The following ATOSA variants were observed in gnomAD, a reference collection of about 807,000 sequenced individuals.
The protein encoded by ATOSA is atos homolog A, also known as atos homolog protein A.
the ATOSA span, among the ~76,000 whole-genome samples, chr15:52,665,400 C>T: frequency 2.0e-5 from 3 of 152,152 alleles, no homozygotes; most frequent in African/African-American, 7.2e-5. Flanking sequence ...AGTAATTAGT[C>T]ATTTTCTTTC....
the ATOSA span, among the ~76,000 whole-genome samples, chr15:52,591,021 C>T: frequency 6.6e-6 from 1 of 152,170 alleles, no homozygotes; most frequent in African/African-American, 2.4e-5. Context: ...TCTTTTATCT[C>T]CCAATCCTTC....
At chr15:52,628,807 ACT>A in the ATOSA span, among the ~76,000 whole-genome samples, 4 of 151,608 alleles carry the variant, frequency 2.6e-5, no homozygotes, top group South Asian at 2.1e-4. Flanking sequence ...CAAAACAAAA[ACT>A]CTATTTTAAT....
chr15:52,597,231 TTCTATTCTATTCTATTC>T, the ATOSA span, among the ~76,000 whole-genome samples: 5 of 48,912 alleles, frequency 1.0e-4, no homozygotes, highest in Non-Finnish European at 4.0e-4. Context: ...TTCTATTCTA[TTCTATTCTATTCTATTC>T]TCTATTCTAT....
At chr15:52,618,761 T>G in the ATOSA span, among the ~76,000 whole-genome samples, 1 of 152,068 alleles carries the variant, frequency 6.6e-6, no homozygotes, top group African/African-American at 2.4e-5. Flanking sequence ...CATAGCTCAC[T>G]TTAACCTCAA....
chr15:52,644,568 T>G, the ATOSA span, among the ~76,000 whole-genome samples: 2 of 152,238 alleles, frequency 1.3e-5, no homozygotes, highest in Non-Finnish European at 2.9e-5. Flanking sequence ...ATGTTTAATG[T>G]TTCACTGTAT....
chr15:52,686,084 C>T, the ATOSA span, among the ~76,000 whole-genome samples: 1 of 152,178 alleles, frequency 6.6e-6, no homozygotes, highest in Non-Finnish European at 1.5e-5. Flanking sequence ...TAGAGGGTCA[C>T]ACACAGAACT....
At chr15:52,701,878 T>A in the ATOSA span, among the ~76,000 whole-genome samples, 5 of 152,146 alleles carry the variant, frequency 3.3e-5, no homozygotes, top group East Asian at 9.7e-4. Context: ...GGTGGGAGGA[T>A]CACTTGAGGC....
At chr15:52,653,869 A>G in the ATOSA span, among the ~76,000 whole-genome samples, 1 of 152,324 alleles carries the variant, frequency 6.6e-6, no homozygotes, top group African/African-American at 2.4e-5. Flanking sequence ...ATATTTTTAT[A>G]CAATATTTGA....
the ATOSA span, among the ~76,000 whole-genome samples, chr15:52,650,036 T>C: frequency 2.0e-5 from 3 of 152,132 alleles, no homozygotes; most frequent in African/African-American, 7.2e-5. Flanking sequence ...TAAACCAACA[T>C]AAAATGGGTA....
chr15:52,620,957 A>G, the ATOSA span, among the ~76,000 whole-genome samples: 2 of 152,184 alleles, frequency 1.3e-5, no homozygotes, highest in East Asian at 3.8e-4. Flanking sequence ...AATAAAAATA[A>G]AAAGTGTCCT....
chr15:52,614,399 C>A, the ATOSA span, among the ~76,000 whole-genome samples: 1 of 151,920 alleles, frequency 6.6e-6, no homozygotes, highest in Non-Finnish European at 1.5e-5. Flanking sequence ...AGCCACTGAG[C>A]CTGGCCTATA....
chr15:52,608,747 T>A, the ATOSA span: 54 of 1,609,546 alleles, frequency 3.4e-5, no homozygotes, highest in Admixed American at 6.8e-5. Flanking sequence ...TAATTCTCTA[T>A]GCTATTAAGT....
At chr15:52,678,358 C>T in the ATOSA span, 2 of 445,772 alleles carry the variant, frequency 4.5e-6, no homozygotes, top group Non-Finnish European at 8.2e-6. Context: ...GTCTCTGAAC[C>T]AAAACAGGAT....
the ATOSA span, among the ~76,000 whole-genome samples, chr15:52,697,411 C>T: frequency 6.6e-6 from 1 of 152,186 alleles, no homozygotes; most frequent in Admixed American, 6.5e-5. Flanking sequence ...CACAGTAACA[C>T]CTCATGGAAG....
At chr15:52,613,424 T>TG in the ATOSA span, among the ~76,000 whole-genome samples, 2 of 152,190 alleles carry the variant, frequency 1.3e-5, no homozygotes, top group Non-Finnish European at 1.5e-5. Context: ...ATCTAGCTTA[T>TG]GAGACAGCAG....
chr15:52,620,049 C>T, the ATOSA span, among the ~76,000 whole-genome samples: 1 of 152,244 alleles, frequency 6.6e-6, no homozygotes, highest in South Asian at 2.1e-4. Flanking sequence ...TATGATCAGA[C>T]TGACTGCTTT....
the ATOSA span, among the ~76,000 whole-genome samples, chr15:52,695,532 A>G: frequency 6.6e-6 from 1 of 152,310 alleles, no homozygotes; most frequent in Non-Finnish European, 1.5e-5. Flanking sequence ...ATATCTATTG[A>G]GCATCTACTT....
the ATOSA span, among the ~76,000 whole-genome samples, chr15:52,637,481 G>T: frequency 1.3e-5 from 2 of 152,010 alleles, no homozygotes; most frequent in Non-Finnish European, 2.9e-5. Context: ...AATCACCCAA[G>T]CCAAAAACGT....
the ATOSA span, chr15:52,605,302 T>C: frequency 3.1e-6 from 4 of 1,284,112 alleles, no homozygotes; most frequent in South Asian, 2.7e-5. Flanking sequence ...TTTAAAGAAC[T>C]TGGACAGTGT....
Sources: gnomAD v4.1 joint callset for allele counts (sites outside exome capture counted in the v4.1 genomes callset) on GRCh38, gnomAD v4.1.1 for gene constraint, MANE v1.5 for transcripts, NCBI Gene and HGNC (gene_info 2026-07-23, HGNC 2026-07-21) for gene names.